NRG1: variants seen among roughly 807,000 people sequenced by gnomAD.
The protein encoded by NRG1 is neuregulin 1.
In NRG1, 18 loss-of-function variants were observed where a neutral mutation model predicts 63.8. The ratio of observed to expected loss-of-function variants is 0.28; its 90% confidence interval spans 0.19 to 0.42. The LOEUF (loss-of-function observed/expected upper bound fraction) is 0.42, where lower values mean the gene tolerates loss of function less well. Ranked by LOEUF, NRG1 falls within the 10% of genes least tolerant of loss-of-function variation. The pLI is 1.00. For synonymous variants in NRG1, 302 were observed against 301.3 expected, an observed-to-expected ratio of 1.00 and a Z score of -0.02; for missense variants, 762 against 814.7, an observed-to-expected ratio of 0.94 and a Z score of 0.79.
intron 1 of NRG1, among the ~76,000 whole-genome samples, chr8:32,146,493 A>T (rs1426498887): frequency 6.6e-6 from 1 of 152,170 alleles, no homozygotes; most frequent in Non-Finnish European, 1.5e-5. Context: ...CATATTAATG[A>T]TCCCTAATCA....
At chr8:31,683,213 T>C (rs897351495) in intron 1 of NRG1, among the ~76,000 whole-genome samples, 10 of 152,128 alleles carry the variant, frequency 6.6e-5, no homozygotes, top group African/African-American at 2.2e-4. Context: ...TCCAAATGAG[T>C]TGAAATGTCC....
At chr8:32,264,789 G>T (rs969194916) in intron 1 of NRG1, among the ~76,000 whole-genome samples, 1 of 152,006 alleles carries the variant, frequency 6.6e-6, no homozygotes, top group Non-Finnish European at 1.5e-5. Flanking sequence ...CTCTATTAGT[G>T]GTTCCAATAC....
At chr8:32,285,769 A>AT (rs1853446139) in intron 1 of NRG1, among the ~76,000 whole-genome samples, 1 of 152,144 alleles carries the variant, frequency 6.6e-6, no homozygotes, top group Non-Finnish European at 1.5e-5. Context: ...AAGAGTTTTT[A>AT]TGGCGAACAG....
At chr8:32,510,996 T>C (rs1829121480) in intron 1 of NRG1, among the ~76,000 whole-genome samples, 1 of 150,852 alleles carries the variant, frequency 6.6e-6, no homozygotes, top group Non-Finnish European at 1.5e-5. Flanking sequence ...CCCTATTTTT[T>C]TCCATGCCAT....
chr8:31,683,227 C>G (rs533302477), intron 1 of NRG1, among the ~76,000 whole-genome samples: 4 of 152,086 alleles, frequency 2.6e-5, no homozygotes, highest in Non-Finnish European at 5.9e-5. Flanking sequence ...AATGTCCACA[C>G]AAAACATGCA....
intron 1 of NRG1, among the ~76,000 whole-genome samples, chr8:32,329,299 G>A (rs1271637592): frequency 1.3e-5 from 2 of 152,026 alleles, no homozygotes; most frequent in African/African-American, 4.8e-5. Context: ...TATTATTCTT[G>A]TATTTGTTAA....
chr8:31,859,813 G>A (rs1314434169), intron 1 of NRG1, among the ~76,000 whole-genome samples: 1 of 152,116 alleles, frequency 6.6e-6, no homozygotes, highest in Non-Finnish European at 1.5e-5. Flanking sequence ...ACATTACCTT[G>A]GCTCTTCAAA....
At chr8:31,994,521 G>T (rs954336039) in intron 1 of NRG1, among the ~76,000 whole-genome samples, 1 of 151,568 alleles carries the variant, frequency 6.6e-6, no homozygotes, top group Non-Finnish European at 1.5e-5. Context: ...GGGCATGGTG[G>T]CATGTGCCTA....
rs1379353515 is a variant in NRG1, at chr8:31,829,796, C to T, written c.37+190365C>T. 2.0e-5 allele frequency among the ~76,000 whole-genome samples: 3 copies of T among 152,286 alleles called. No individual in the cohort carries two copies. The East Asian group carries it at 5.8e-4, about 29-fold the overall frequency. On this transcript the variant is annotated intron_variant, in intron 1 of 10. Coordinates refer to the NRG1 transcript ENST00000519301. ...GGCTGTTTTGTTTTATGGAGATTGGCTAGACTGGCAGGTGACAAGGCAAGA... is the reference window on the plus strand; with the variant it reads ...GGCTGTTTTGTTTTATGGAGATTGGTTAGACTGGCAGGTGACAAGGCAAGA...
At chr8:32,260,924 A>T (rs1850295052) in intron 1 of NRG1, among the ~76,000 whole-genome samples, 1 of 152,192 alleles carries the variant, frequency 6.6e-6, no homozygotes, top group South Asian at 2.1e-4. Flanking sequence ...CTTACAGTTT[A>T]AGTTATGGAA....
At chr8:31,722,052 T>G (rs1812972521) in intron 1 of NRG1, among the ~76,000 whole-genome samples, 2 of 152,116 alleles carry the variant, frequency 1.3e-5, no homozygotes, top group Non-Finnish European at 2.9e-5. Flanking sequence ...CAAACCTGAT[T>G]AGTCATTCTC....
chr8:31,902,730 CAT>C (rs1832190734), intron 1 of NRG1, among the ~76,000 whole-genome samples: 1 of 152,008 alleles, frequency 6.6e-6, no homozygotes, highest in Admixed American at 6.6e-5. Context: ...TTTTAACAGA[CAT>C]ATTTTTACAA....
intron 1 of NRG1, among the ~76,000 whole-genome samples, chr8:31,874,784 C>A (rs1180356838): frequency 7.1e-6 from 1 of 141,396 alleles, no homozygotes; most frequent in African/African-American, 2.5e-5. Flanking sequence ...CCTCTGGTAA[C>A]TGTCCTTCTA....
At chr8:31,639,882 GA>G (rs1426033443) in intron 1 of NRG1, 2 of 1,086,452 alleles carry the variant, frequency 1.8e-6, no homozygotes, top group African/African-American at 3.4e-5. Context: ...GGCAAGGGGG[GA>G]GGAGGAGGAG....
At chr8:32,604,664 C>A (rs977426942) in intron 2 of NRG1, among the ~76,000 whole-genome samples, 2 of 151,978 alleles carry the variant, frequency 1.3e-5, no homozygotes, top group Non-Finnish European at 2.9e-5. Flanking sequence ...AATTCTTGGG[C>A]CCAAGTGATT....
At chr8:32,500,061 C>T (rs529089285) in intron 1 of NRG1, among the ~76,000 whole-genome samples, 65 of 152,138 alleles carry the variant, frequency 4.3e-4, no homozygotes, top group Non-Finnish European at 7.2e-4. Flanking sequence ...TACAATCACC[C>T]CCAATGTGAT....
chr8:32,546,864 C>T (rs1217481642), upstream of NRG1, among the ~76,000 whole-genome samples: 1 of 152,192 alleles, frequency 6.6e-6, no homozygotes, highest in Admixed American at 6.5e-5. Flanking sequence ...TTCCCTCCCT[C>T]CCTTCCCATC....
intron 7 of NRG1, among the ~76,000 whole-genome samples, chr8:32,750,401 G>A (rs1190403445): frequency 6.6e-6 from 1 of 152,086 alleles, no homozygotes; most frequent in African/African-American, 2.4e-5. Flanking sequence ...CAGTCTCTGG[G>A]GAGTAAGGAG....
intron 1 of NRG1, among the ~76,000 whole-genome samples, chr8:32,144,975 C>A (rs1836711163): frequency 6.6e-6 from 1 of 152,090 alleles, no homozygotes; most frequent in Non-Finnish European, 1.5e-5. Context: ...TCGATCTTTT[C>A]TTTTCCTCTT....
Sources: allele counts gnomAD v4.1 joint callset (sites outside exome capture counted in the v4.1 genomes callset), GRCh38; gene constraint gnomAD v4.1.1; transcripts MANE v1.5; gene names NCBI Gene and HGNC (gene_info 2026-07-23, HGNC 2026-07-21).